The following GRM7 variants were observed in gnomAD, a reference collection of about 807,000 sequenced individuals.
GRM7 encodes the protein glutamate metabotropic receptor 7.
Under a neutral mutation model 84.5 loss-of-function variants are expected in GRM7, and 35 were observed. The observed-to-expected ratio is 0.41, with a 90% CI of 0.32 to 0.55. The LOEUF is 0.55. Ranked by LOEUF, GRM7 falls within the 20% of genes least tolerant of loss-of-function variation. The pLI, the probability that GRM7 is intolerant of heterozygous loss-of-function variation, is 0.19. For synonymous variants in GRM7, 487 were observed against 455.1 expected, an observed-to-expected ratio of 1.07 and a Z score of -0.89; for missense variants, 1,003 against 1,194.6, an observed-to-expected ratio of 0.84 and a Z score of 2.36.
intron 7 of GRM7, among the ~76,000 whole-genome samples, chr3:7,508,245 C>G (rs1700094445): frequency 6.6e-6 from 1 of 151,968 alleles, no homozygotes; most frequent in Non-Finnish European, 1.5e-5. Context: ...AGGTGAAAAT[C>G]AGATTTATAA....
chr3:7,470,949 C>T (rs887861513), intron 7 of GRM7, among the ~76,000 whole-genome samples: 1 of 151,854 alleles, frequency 6.6e-6, no homozygotes, highest in Non-Finnish European at 1.5e-5. Flanking sequence ...TTGGGAGAAA[C>T]TCTCATGAAG....
At chr3:7,208,497 T>C (rs1339093369) in intron 2 of GRM7, among the ~76,000 whole-genome samples, 1 of 152,198 alleles carries the variant, frequency 6.6e-6, no homozygotes, top group Non-Finnish European at 1.5e-5. Context: ...AAAATCTATA[T>C]TGAGCCCCTT....
intron 2 of GRM7, among the ~76,000 whole-genome samples, chr3:7,205,406 T>C (rs987837651): frequency 6.6e-6 from 1 of 152,208 alleles, no homozygotes; most frequent in African/African-American, 2.4e-5. Context: ...CCGAGTAACA[T>C]AGACTTCTGA....
At chr3:6,933,773 T>TCA (rs34451460) in intron 1 of GRM7, among the ~76,000 whole-genome samples, 43,643 of 151,328 alleles carry the variant, frequency 0.29, 6,658 homozygotes, top group South Asian at 0.37. Flanking sequence ...CCAGTTATTC[T>TCA]GAGTCAGGTA....
intron 9 of GRM7, among the ~76,000 whole-genome samples, chr3:7,728,121 G>A (rs572180162): frequency 6.6e-5 from 10 of 152,204 alleles, no homozygotes; most frequent in Non-Finnish European, 1.3e-4. Flanking sequence ...TGGCACACAC[G>A]TACCCTTCTC....
intron 4 of GRM7, among the ~76,000 whole-genome samples, chr3:7,329,023 C>G (rs1043119141): frequency 2.6e-5 from 4 of 152,002 alleles, no homozygotes; most frequent in African/African-American, 9.7e-5. Context: ...TAAATAAAAG[C>G]AAATCTCAGC....
At chr3:7,389,205 T>G (rs2125138551) in intron 4 of GRM7, among the ~76,000 whole-genome samples, 1 of 152,298 alleles carries the variant, frequency 6.6e-6, no homozygotes, top group Middle Eastern at 3.4e-3. Flanking sequence ...CTCTTGGTAT[T>G]GATTTTGGTA....
intron 1 of GRM7, among the ~76,000 whole-genome samples, chr3:6,904,724 T>G (rs1276274498): frequency 7.1e-6 from 1 of 141,834 alleles, no homozygotes; most frequent in Admixed American, 6.9e-5. Flanking sequence ...CTTATGTGTG[T>G]TTTTTTTTTC....
chr3:7,215,643 C>A (rs903782500), intron 2 of GRM7, among the ~76,000 whole-genome samples: 1 of 150,700 alleles, frequency 6.6e-6, no homozygotes, highest in Non-Finnish European at 1.5e-5. Flanking sequence ...CCAGCCTGGG[C>A]GACAGAGCGA....
At chr3:7,398,064 G>T (rs1439720018) in intron 4 of GRM7, among the ~76,000 whole-genome samples, 1 of 152,086 alleles carries the variant, frequency 6.6e-6, no homozygotes, top group Non-Finnish European at 1.5e-5. Flanking sequence ...TTCAGTGTAG[G>T]CATAACTTCT....
intron 8 of GRM7, among the ~76,000 whole-genome samples, chr3:7,584,474 A>G (rs1695418232): frequency 6.6e-6 from 1 of 152,220 alleles, no homozygotes; most frequent in African/African-American, 2.4e-5. Context: ...AGCAGAGGCA[A>G]AGATATGGCA....
intron 1 of GRM7, among the ~76,000 whole-genome samples, chr3:7,146,234 A>G (rs1326234934): frequency 6.6e-6 from 1 of 152,306 alleles, no homozygotes; most frequent in South Asian, 2.1e-4. Context: ...TTCCTAAGAC[A>G]AGGAAATAAA....
chr3:6,873,993 A>G (rs1695217094), intron 1 of GRM7, among the ~76,000 whole-genome samples: 1 of 152,264 alleles, frequency 6.6e-6, no homozygotes, highest in Non-Finnish European at 1.5e-5. Context: ...TATATAGTTT[A>G]GTAATTGAGA....
chr3:7,032,896 A>G (rs909576076), intron 1 of GRM7, among the ~76,000 whole-genome samples: 3 of 152,274 alleles, frequency 2.0e-5, no homozygotes, highest in Admixed American at 6.5e-5. Flanking sequence ...GAGCCTTTCT[A>G]ATGTCCTTTA....
At chr3:7,413,223 C>G (rs75209350) in intron 4 of GRM7, among the ~76,000 whole-genome samples, 1 of 152,106 alleles carries the variant, frequency 6.6e-6, no homozygotes, top group Non-Finnish European at 1.5e-5. Flanking sequence ...ATCAGAAGCT[C>G]CATAGCCATT....
In GRM7 at chr3:7,533,663, C is replaced by T. The variant is rs183395209; in HGVS notation, c.1516-44759C>T. Among the ~76,000 whole-genome samples, 24 of 152,296 alleles carry T rather than the reference C, an allele frequency of 1.6e-4. No homozygotes were observed. The South Asian group carries it at 1.9e-3, about 12-fold the overall frequency. On this transcript the variant is annotated intron_variant, in intron 7 of 9. Coordinates refer to ENST00000357716, the MANE Select transcript of GRM7 (RefSeq NM_000844.4). Reference sequence around the variant, plus strand: ...AATCCTGAAGGAAAAGCAAACTTTCCTGATATTTACTGAATGTCTGTTTAG... The same window carrying T: ...AATCCTGAAGGAAAAGCAAACTTTCTTGATATTTACTGAATGTCTGTTTAG...
chr3:7,015,770 A>G (rs1695541482), intron 1 of GRM7, among the ~76,000 whole-genome samples: 1 of 152,176 alleles, frequency 6.6e-6, no homozygotes, highest in Non-Finnish European at 1.5e-5. Flanking sequence ...CTGCATAGGA[A>G]TGCTTGAGTG....
At chr3:7,640,079 T>TAACA (rs1043626845) in intron 8 of GRM7, among the ~76,000 whole-genome samples, 8 of 152,214 alleles carry the variant, frequency 5.3e-5, no homozygotes, top group African/African-American at 1.9e-4. Flanking sequence ...CATCCTTGCC[T>TAACA]AACAAATGAC....
intron 1 of GRM7, among the ~76,000 whole-genome samples, chr3:7,060,347 G>T (rs1697393033): frequency 6.6e-6 from 1 of 151,778 alleles, no homozygotes; most frequent in African/African-American, 2.4e-5. Context: ...CCACCTCCTT[G>T]CATTTGGGTG....
Sources: allele counts gnomAD v4.1 joint callset (sites outside exome capture counted in the v4.1 genomes callset), GRCh38; gene constraint gnomAD v4.1.1; transcripts MANE v1.5; gene names NCBI Gene and HGNC (gene_info 2026-07-23, HGNC 2026-07-21).